The following IKBIP variants were observed in gnomAD, a reference collection of about 807,000 sequenced individuals.
The protein encoded by IKBIP is IKBKB interacting protein.
A neutral mutation model predicts 31.0 loss-of-function variants in IKBIP; 28 were observed. The ratio of observed to expected loss-of-function variants is 0.90; its 90% confidence interval spans 0.67 to 1.24. IKBIP has a LOEUF of 1.24. IKBIP is among the 50% of genes most tolerant of loss of function. IKBIP has a pLI of 0.00. For missense variants in IKBIP, 453 were observed against 441.9 expected, an observed-to-expected ratio of 1.03 and a Z score of -0.23; for synonymous variants, 164 against 160.3, an observed-to-expected ratio of 1.02 and a Z score of -0.17.
At chr12:98,640,048 G>A (rs189882350) in intron 1 of IKBIP, among the ~76,000 whole-genome samples, 3 of 152,248 alleles carry the variant, frequency 2.0e-5, no homozygotes, top group Admixed American at 1.3e-4. Context: ...AAATTATATT[G>A]GATAATTAAA....
At chr12:98,630,739 A>C (rs2097619338) in intron 2 of IKBIP, among the ~76,000 whole-genome samples, 1 of 152,144 alleles carries the variant, frequency 6.6e-6, no homozygotes, top group Admixed American at 6.6e-5. Context: ...GATGAAATAG[A>C]GATGAAGATA....
Position 98,626,627 on chromosome 12 carries a change from T to C in IKBIP, c.437A>G (p.Gln146Arg), listed in dbSNP as rs758833281. 1.2e-6 allele frequency: 2 copies of C among 1,613,998 alleles called. No individual in the cohort carries two copies. Among genetic ancestry groups the C allele is most frequent in the Non-Finnish European group, 1.7e-6 (2 of 1,180,032 alleles). ...NNEEVLTQRM[Q>R]SLNEKFQNIT... ...ATTCTGAAATTTCTCATTAAGGCTTTGCATCCTTTGAGTGAGCACCTCTTC... is the reference window on the plus strand; with the variant it reads ...ATTCTGAAATTTCTCATTAAGGCTTCGCATCCTTTGAGTGAGCACCTCTTC... The change falls in exon 3 of 3, where the codon CAA becomes CGA. Residue 146 changes from glutamine to arginine, a missense_variant. Coordinates refer to ENST00000299157, the MANE Select transcript of IKBIP (RefSeq NM_153687.4).
chr12:98,626,974 T>C (rs1186216879), intron 2 of IKBIP, among the ~76,000 whole-genome samples: 1 of 152,190 alleles, frequency 6.6e-6, no homozygotes, highest in Non-Finnish European at 1.5e-5. Flanking sequence ...GTTTTATTTA[T>C]TTATTTATTT....
chr12:98,627,743 T>G (rs2097616198), intron 2 of IKBIP, among the ~76,000 whole-genome samples: 1 of 151,588 alleles, frequency 6.6e-6, no homozygotes, highest in Admixed American at 6.6e-5. Context: ...CAGCCCTCGA[T>G]GTCATTTTTA....
At chr12:98,621,063 C>A (rs1445796437), downstream of IKBIP, among the ~76,000 whole-genome samples, 2 of 152,066 alleles carry the variant, frequency 1.3e-5, no homozygotes, top group South Asian at 2.1e-4. Context: ...GCCTAGCCAA[C>A]CTGGTGAAAC....
At chr12:98,635,785 G>A (rs1173260915) in intron 1 of IKBIP, among the ~76,000 whole-genome samples, 1 of 152,178 alleles carries the variant, frequency 6.6e-6, no homozygotes, top group Non-Finnish European at 1.5e-5. Context: ...AAAATAGCAG[G>A]AGGTGTGAAA....
At chr12:98,636,650 A>G (rs2097625949) in intron 1 of IKBIP, among the ~76,000 whole-genome samples, 1 of 152,222 alleles carries the variant, frequency 6.6e-6, no homozygotes, top group South Asian at 2.1e-4. Context: ...ATTAGCACAG[A>G]TTGACTTTTC....
Position 98,626,303 on chromosome 12 carries a change from T to A in IKBIP, c.761A>T (p.Asp254Val). ...GTAGTCGGAAAGTTTATTAGTCAGA[T>A]CTTCATCTCTGGCAAAGAGGGCATG... ...EQHALFARDEDLTNKLSDYEP... is the reference protein window; with the variant it reads ...EQHALFARDEVLTNKLSDYEP... The change falls in exon 3 of 3, where the codon GAT becomes GTT. Residue 254 changes from aspartate to valine, a missense_variant. Physicochemically the swap from Asp to Val is radical, Grantham distance 152. Coordinates refer to ENST00000299157, the MANE Select transcript of IKBIP (RefSeq NM_153687.4). 6.2e-7 allele frequency: 1 copy of A among 1,614,158 alleles called. No individual in the cohort carries two copies. Among genetic ancestry groups the A allele is most frequent in the Non-Finnish European group, 8.5e-7 (1 of 1,179,998 alleles).
chr12:98,629,271 G>T (rs2097617714), intron 2 of IKBIP, among the ~76,000 whole-genome samples: 1 of 152,202 alleles, frequency 6.6e-6, no homozygotes, highest in South Asian at 2.1e-4. Context: ...GTTGGGCATG[G>T]TGGCTTACGC....
At chr12:98,614,683 T>C (rs933557103) in intron 2 of IKBIP, among the ~76,000 whole-genome samples, 67 of 152,088 alleles carry the variant, frequency 4.4e-4, no homozygotes, top group African/African-American at 1.6e-3. Flanking sequence ...CACCTCGGCC[T>C]CCTAAATCCA....
At chr12:98,617,786 A>G (rs552924444) in intron 2 of IKBIP, among the ~76,000 whole-genome samples, 8 of 152,250 alleles carry the variant, frequency 5.3e-5, no homozygotes, top group Non-Finnish European at 1.2e-4. Flanking sequence ...GCCCAAAGAC[A>G]GATATACAGT....
intron 1 of IKBIP, among the ~76,000 whole-genome samples, chr12:98,639,087 C>A (rs758462454): frequency 6.6e-6 from 1 of 152,144 alleles, no homozygotes. Flanking sequence ...GTTGTCCAGG[C>A]TGAAGTGCAG....
At chr12:98,634,810 C>T (rs1456909560) in intron 1 of IKBIP, among the ~76,000 whole-genome samples, 1 of 148,562 alleles carries the variant, frequency 6.7e-6, no homozygotes, top group African/African-American at 2.5e-5. Flanking sequence ...CCTGGGTTCA[C>T]GCTATTCTCC....
chr12:98,626,769 G>T lies in IKBIP; in HGVS notation c.298-3C>A. On this transcript the variant is annotated splice_polypyrimidine_tract_variant and splice_region_variant and intron_variant, in intron 2 of 2. Coordinates refer to ENST00000299157, the MANE Select transcript of IKBIP (RefSeq NM_153687.4). The stretch of plus-strand genomic sequence containing the variant: ...AGGATGCTTTCAGTAGACTCAAGCT[G>T]CATTTATAACACAAAACAATTCCCA... The T allele has an allele frequency of 6.3e-7, 1 of 1,583,806 alleles. No homozygotes were observed.
intron 2 of IKBIP, among the ~76,000 whole-genome samples, chr12:98,631,932 T>A (rs2097620508): frequency 6.6e-6 from 1 of 151,420 alleles, no homozygotes; most frequent in Non-Finnish European, 1.5e-5. Flanking sequence ...CTCAGCTCAC[T>A]GCAATCTCCA....
intron 2 of IKBIP, 116 bp downstream of exon 2, chr12:98,634,180 G>T: frequency 1.6e-6 from 1 of 630,520 alleles, no homozygotes; most frequent in Non-Finnish European, 2.8e-6. Context: ...ATCAGTGAGA[G>T]TTAAAATAGT....
intron 2 of IKBIP, among the ~76,000 whole-genome samples, chr12:98,628,020 A>G (rs1446912938): frequency 6.6e-6 from 1 of 152,240 alleles, no homozygotes; most frequent in Non-Finnish European, 1.5e-5. Context: ...TCTGGAATAT[A>G]GAAGGCCAAG....
intron 1 of IKBIP, among the ~76,000 whole-genome samples, chr12:98,634,931 G>A (rs973283352): frequency 3.3e-5 from 5 of 151,040 alleles, no homozygotes; most frequent in African/African-American, 9.7e-5. Context: ...GGATGCTCTC[G>A]ATCTCCTGAC....
chr12:98,626,690 G>A lies in IKBIP; in HGVS notation c.374C>T (p.Ser125Phe). ...SLMTQFEQEVSNLQDIMHDIQ... is the reference protein window; with the variant it reads ...SLMTQFEQEVFNLQDIMHDIQ... ...GTCATGCATGATATCTTGGAGGTTGGATACTTCCTGCTCAAACTGGGTCAT... is the reference window on the plus strand; with the variant it reads ...GTCATGCATGATATCTTGGAGGTTGAATACTTCCTGCTCAAACTGGGTCAT... The change falls in exon 3 of 3, where the codon TCC becomes TTC. Residue 125 changes from serine (S) to phenylalanine (F), a missense_variant. Coordinates refer to ENST00000299157, the MANE Select transcript of IKBIP (RefSeq NM_153687.4). 1 of 1,613,948 alleles carries A rather than the reference G, an allele frequency of 6.2e-7. No homozygotes were observed. The highest frequency in any genetic ancestry group is 8.5e-7 in the Non-Finnish European group (1 of 1,179,986).
Sources: allele counts gnomAD v4.1 joint callset (sites outside exome capture counted in the v4.1 genomes callset), GRCh38; gene constraint gnomAD v4.1.1; transcripts MANE v1.5; gene names NCBI Gene and HGNC (gene_info 2026-07-23, HGNC 2026-07-21).